Variants in COX15 observed in about 807,000 individuals in gnomAD.
COX15 encodes the protein cytochrome c oxidase assembly factor COX15.
In COX15, 51 loss-of-function variants were observed where a neutral mutation model predicts 51.9. The ratio of observed to expected loss-of-function variants is 0.98; its 90% CI spans 0.78 to 1.24. The LOEUF (loss-of-function observed/expected upper bound fraction) is 1.24. COX15 is among the 50% of genes most tolerant of loss of function. COX15 has a pLI of 0.00. For missense variants in COX15, 420 were observed against 501.1 expected (o/e 0.84, Z 1.55); for synonymous variants, 188 against 190.5 (o/e 0.99, Z 0.11).
chr10:99,725,218 C>T (rs2036910973), intron 4 of COX15, among the ~76,000 whole-genome samples: 1 of 152,238 alleles, frequency 6.6e-6, no homozygotes, highest in Non-Finnish European at 1.5e-5. Context: ...GACTCTGCCA[C>T]TTCTAAATAT....
intron 3 of COX15, 57 bp downstream of exon 3, chr10:99,727,384 G>T (rs1207896827): frequency 1.2e-6 from 2 of 1,601,664 alleles, no homozygotes; most frequent in East Asian, 2.2e-5. Context: ...AAGGGTTTAA[G>T]TCCAAAAGAT....
rs762777367 is a variant in COX15, at chr10:99,727,026, C to T, written c.524G>A (p.Trp175Ter). The T allele has an allele frequency of 6.2e-7, 1 of 1,614,184 alleles. No homozygotes were observed. The highest frequency in any genetic ancestry group is 1.7e-5 in the Admixed American group (1 of 60,028). ...LPAAYFWRKG[W>*]LSRGMKGRVL... ...ACGTCCTTTCATGCCACGGCTGAGC[C>T]AGCCCTTTCTCCAAAAGTAGGCAGC... Residue 175 changes from tryptophan (W) to a stop codon, truncating the protein, a stop_gained, in exon 4 of 9, where the codon TGG (tryptophan) becomes TAG (stop). Transcript: ENST00000016171. LOFTEE classifies it high-confidence loss of function.
At position 99,724,167 on chromosome 10, in the gene COX15, G is replaced by T. The variant is rs1436018453; in HGVS notation, c.583-44C>A. ...GAAGCAAACAAAACAAGGTTAAAAT[G>T]ATCTGTTCAACTTTCTTTTTTTTGT... On this transcript the variant is annotated intron_variant, in intron 4 of 8. Coordinates refer to ENST00000016171, the MANE Select transcript of COX15 (RefSeq NM_078470.6). The T allele has an allele frequency of 2.5e-6, 4 of 1,609,162 alleles. No individual in the cohort carries two copies. The African/African-American group carries it at 5.4e-5, about 22-fold the overall frequency.
At chr10:99,695,350 C>T in the COX15 span, among the ~76,000 whole-genome samples, 1 of 151,924 alleles carries the variant, frequency 6.6e-6, no homozygotes, top group Admixed American at 6.6e-5. Context: ...TGGTGAAACC[C>T]GTCTCCACTA....
At chr10:99,696,203 A>C in the COX15 span, 1 of 1,501,906 alleles carries the variant, frequency 6.7e-7, no homozygotes, top group Non-Finnish European at 9.0e-7. Flanking sequence ...CATCCTCCTA[A>C]GACAGATAAG....
Position 99,729,705 on chromosome 10 carries a change from T to C in COX15, c.120A>G (p.Pro40=). ...QCDCIRRPLR[P]GQYSTISEVA... is the part of the protein sequence containing the mutation. ...CTTCAGAGATGGTGCTGTATTGCCC[T>C]GGCCTCAAAGGGCGCCTGATGCAAT... is the stretch of plus-strand genomic sequence containing the variant. Residue 40 remains proline, a synonymous_variant, in exon 2 of 9, where the codon CCA becomes CCG. Transcript: ENST00000016171. 3 of 1,614,186 alleles carry C rather than the reference T, an allele frequency of 1.9e-6. No individual in the cohort carries two copies. The highest frequency in any genetic ancestry group is 1.7e-6 in the Non-Finnish European group (2 of 1,180,032).
intron 4 of COX15, among the ~76,000 whole-genome samples, chr10:99,726,223 C>G (rs1274352519): frequency 6.6e-6 from 1 of 152,174 alleles, no homozygotes; most frequent in East Asian, 1.9e-4. Context: ...CTGTGGCATT[C>G]TAGCACAGGG....
chr10:99,702,879 C>G, the COX15 span, among the ~76,000 whole-genome samples: 1 of 152,186 alleles, frequency 6.6e-6, no homozygotes, highest in Non-Finnish European at 1.5e-5. Flanking sequence ...GAAGGTTGAG[C>G]ATTACTGGTC....
At chr10:99,704,350 TG>T in the COX15 span, 1 of 1,133,384 alleles carries the variant, frequency 8.8e-7, no homozygotes, top group African/African-American at 1.5e-5. Flanking sequence ...TTTATGTGGA[TG>T]GAATAAATGT....
intron 4 of COX15, among the ~76,000 whole-genome samples, chr10:99,726,289 G>A (rs1017417372): frequency 1.3e-5 from 2 of 152,104 alleles, no homozygotes; most frequent in African/African-American, 4.8e-5. Flanking sequence ...AGAACCTAGG[G>A]AGACACCCAT....
chr10:99,708,740 CA>C, downstream of COX15: 1 of 755,572 alleles, frequency 1.3e-6, no homozygotes, highest in Non-Finnish European at 1.6e-6. Flanking sequence ...AGCTTCTGGT[CA>C]ACCCCCTTGA....
downstream of COX15, among the ~76,000 whole-genome samples, chr10:99,708,461 C>A (rs1053648432): frequency 6.6e-6 from 1 of 152,156 alleles, no homozygotes; most frequent in African/African-American, 2.4e-5. Flanking sequence ...CTGGCTTTGT[C>A]ATTTACTAGC....
chr10:99,731,137 T>C (rs2037127960), intron 1 of COX15, among the ~76,000 whole-genome samples: 2 of 152,202 alleles, frequency 1.3e-5, no homozygotes, highest in Admixed American at 1.3e-4. Context: ...ATTATAATCT[T>C]ATGGGACCAT....
At position 99,714,551 on chromosome 10, in the gene COX15, A is replaced by T; in HGVS notation, c.*36T>A. The stretch of plus-strand genomic sequence containing the variant: ...TTATGATCTCTGAAGAGCTCTCAAA[A>T]GCAGTCACAGTCCCAGGAGGCTGGT... On this transcript the variant is annotated 3_prime_UTR_variant, in exon 9 of 9. Coordinates refer to ENST00000016171, the MANE Select transcript of COX15 (RefSeq NM_078470.6). 2 of 1,613,646 alleles carry T rather than the reference A, an allele frequency of 1.2e-6. No homozygotes were observed. Among genetic ancestry groups the T allele is most frequent in the Non-Finnish European group, 1.7e-6 (2 of 1,179,832 alleles).
intron 8 of COX15, among the ~76,000 whole-genome samples, chr10:99,715,341 G>C (rs577455528): frequency 1.3e-5 from 2 of 152,162 alleles, no homozygotes; most frequent in Non-Finnish European, 1.5e-5. Flanking sequence ...GTTTCATCAT[G>C]TTGGCCAGGC....
chr10:99,695,311 T>G, the COX15 span, among the ~76,000 whole-genome samples: 1 of 151,686 alleles, frequency 6.6e-6, no homozygotes, highest in Non-Finnish European at 1.5e-5. Flanking sequence ...GATCATGAGG[T>G]CAAGAGATCG....
At chr10:99,705,295 A>C in the COX15 span, 1 of 154,826 alleles carries the variant, frequency 6.5e-6, no homozygotes, top group Admixed American at 6.3e-5. Flanking sequence ...TGATGATGTT[A>C]GTACATGATT....
chr10:99,694,783 C>T, the COX15 span, among the ~76,000 whole-genome samples: 1 of 152,132 alleles, frequency 6.6e-6, no homozygotes, highest in Non-Finnish European at 1.5e-5. Flanking sequence ...GTGATCCACC[C>T]TCCTTGGCCT....
chr10:99,715,458 A>C (rs6584317), intron 8 of COX15, among the ~76,000 whole-genome samples: 1 of 152,066 alleles, frequency 6.6e-6, no homozygotes, highest in Non-Finnish European at 1.5e-5. Context: ...TTAACTATTT[A>C]GGTTGTTTCC....
Sources: gnomAD v4.1 joint callset for allele counts (sites outside exome capture counted in the v4.1 genomes callset) on GRCh38, gnomAD v4.1.1 for gene constraint, MANE v1.5 for transcripts, NCBI Gene and HGNC (gene_info 2026-07-23, HGNC 2026-07-21) for gene names.